The following IPP variants were observed in gnomAD, a reference collection of about 807,000 sequenced individuals.
IPP encodes the protein intracisternal A particle-promoted polypeptide, also known as actin-binding protein IPP.
Under a neutral mutation model 64.1 loss-of-function variants are expected in IPP, and 41 were observed. The observed-to-expected ratio is 0.64, with a 90% CI of 0.50 to 0.83. The LOEUF (loss-of-function observed/expected upper bound fraction) is 0.83. Among genes scored for constraint, IPP ranks in the 40% least tolerant of loss-of-function variants. The probability of loss-of-function intolerance (pLI) is 0.00; values close to 1 mark genes in which losing one functional copy is unlikely to be tolerated. For synonymous variants in IPP, 214 were observed against 235.2 expected (o/e 0.91, Z 0.83); for missense variants, 649 against 703.0 (o/e 0.92, Z 0.87).
chr1:45,727,971 A>G (rs1645854371), intron 4 of IPP, among the ~76,000 whole-genome samples, 173 bp from the exon 5 acceptor site: 1 of 152,196 alleles, frequency 6.6e-6, no homozygotes, highest in Admixed American at 6.6e-5. Context: ...TAAATACAGT[A>G]AGAAGGTTAG....
chr1:45,739,434 T>C (rs1192738453), intron 3 of IPP, among the ~76,000 whole-genome samples: 3 of 126,306 alleles, frequency 2.4e-5, no homozygotes, highest in South Asian at 2.8e-4. Flanking sequence ...TTTTTTTTTT[T>C]TGTAGAGACA....
At chr1:45,713,057 A>G (rs989469956) in intron 8 of IPP, among the ~76,000 whole-genome samples, 3 of 152,020 alleles carry the variant, frequency 2.0e-5, no homozygotes, top group Admixed American at 6.6e-5. Context: ...TACAGTTTCT[A>G]TTATAGAAAA....
At chr1:45,726,056 C>G (rs1002323132) in intron 5 of IPP, among the ~76,000 whole-genome samples, 2 of 146,382 alleles carry the variant, frequency 1.4e-5, no homozygotes, top group African/African-American at 5.1e-5. Context: ...CCAAATCCCC[C>G]TCTGCGAGAA....
At chr1:45,719,718 CAG>C (rs1645706215) in intron 5 of IPP, among the ~76,000 whole-genome samples, 1 of 152,120 alleles carries the variant, frequency 6.6e-6, no homozygotes, top group Admixed American at 6.6e-5. Context: ...TAACAACAAA[CAG>C]AAAATGAAAT....
At chr1:45,750,537 G>C (rs1308537127) in intron 1 of IPP, 60 bp downstream of exon 1, 1 of 152,390 alleles carries the variant, frequency 6.6e-6, no homozygotes, top group Non-Finnish European at 1.5e-5. Context: ...AAGCCGGAGG[G>C]AGTAGAAGAG....
chr1:45,740,912 T>G lies in IPP; in HGVS notation c.713A>C (p.Lys238Thr), dbSNP rs763497240. 2.5e-6 allele frequency: 4 copies of G among 1,589,016 alleles called. No individual in the cohort carries two copies. In the South Asian group the frequency reaches 4.6e-5, roughly 18 times the overall value. ...AGCAAAAAAGTTACCTTCTATATACTTTAAAAGTCTCTGAGGAGGTAATAA... is the reference window on the plus strand; with the variant it reads ...AGCAAAAAAGTTACCTTCTATATACGTTAAAAGTCTCTGAGGAGGTAATAA... ...FPLLPPQRLL[K>T]YIEGVSDFNL... is the part of the protein sequence containing the mutation. Residue 238 changes from lysine (K) to threonine (T), a missense_variant, in exon 3 of 9, where the codon AAG (lysine) becomes ACG (threonine). Coordinates refer to ENST00000396478, the MANE Select transcript of IPP (RefSeq NM_005897.3).
intron 6 of IPP, among the ~76,000 whole-genome samples, chr1:45,717,364 T>C (rs1025377901): frequency 6.6e-6 from 1 of 152,208 alleles, no homozygotes; most frequent in African/African-American, 2.4e-5. Context: ...AACTACCTTT[T>C]GAAATTACTT....
chr1:45,738,307 T>C (rs1040489347), intron 3 of IPP, among the ~76,000 whole-genome samples: 1 of 140,368 alleles, frequency 7.1e-6, no homozygotes, highest in African/African-American at 2.5e-5. Flanking sequence ...GTCTATTTAG[T>C]GTCATTTTTT....
chr1:45,750,034 AG>A (rs1305831199), intron 1 of IPP, among the ~76,000 whole-genome samples: 1 of 152,114 alleles, frequency 6.6e-6, no homozygotes, highest in Non-Finnish European at 1.5e-5. Flanking sequence ...GCCTAGGAGA[AG>A]GGGCGAGACT....
downstream of IPP, chr1:45,694,581 C>G (rs60952228): frequency 1.8e-3 from 1,582 of 863,410 alleles, 18 homozygotes; most frequent in African/African-American, 0.024. Flanking sequence ...CATGTCCAAA[C>G]TTATTTCACA....
Position 45,741,084 on chromosome 1 carries a change from CT to C in IPP, c.540del (p.Asp181IlefsTer3), listed in dbSNP as rs1231593324. 4.3e-6 allele frequency: 7 copies of C among 1,613,976 alleles called. No individual in the cohort carries two copies. Among genetic ancestry groups the C allele is most frequent in the Non-Finnish European group, 5.9e-6 (7 of 1,180,008 alleles). On this transcript the variant is annotated frameshift_variant, in exon 3 of 9. Coordinates refer to ENST00000396478, the MANE Select transcript of IPP (RefSeq NM_005897.3). LOFTEE classifies it high-confidence loss of function. ...HSGEEFLALT[K>X]DQLIKILRSE... ...CTTCGCAAAATTTTGATCAGCTGATCTTTCGTAAGTGCCAGGAACTCTTCTC... is the reference window on the plus strand; with the variant it reads ...CTTCGCAAAATTTTGATCAGCTGATCTTCGTAAGTGCCAGGAACTCTTCTC...
chr1:45,715,613 C>T (rs934728603), intron 7 of IPP, among the ~76,000 whole-genome samples: 1 of 151,402 alleles, frequency 6.6e-6, no homozygotes, highest in Admixed American at 6.6e-5. Context: ...TGCACTCCAG[C>T]CTGGGCGACA....
chr1:45,702,945 TC>T lies in IPP; in HGVS notation c.1531-2756del, dbSNP rs575982420. 2.8e-3 allele frequency among the ~76,000 whole-genome samples: 419 copies of T among 152,166 alleles called. 1 individual carries two copies. Among genetic ancestry groups the T allele is most frequent in the African/African-American group, 9.1e-3 (379 of 41,530 alleles). The stretch of plus-strand genomic sequence containing the variant: ...AACTTGTCAGAAATGAGAATCAAAA[TC>T]CTTATGCTTTACAACAAGACATGAA... On this transcript the variant is annotated intron_variant, in intron 8 of 8. Coordinates refer to ENST00000396478, the MANE Select transcript of IPP (RefSeq NM_005897.3).
chr1:45,744,985 C>T (rs952016125), intron 2 of IPP, among the ~76,000 whole-genome samples: 1 of 152,076 alleles, frequency 6.6e-6, no homozygotes, highest in African/African-American at 2.4e-5. Flanking sequence ...TACTTGAGCC[C>T]AGGAGATTAA....
intron 5 of IPP, among the ~76,000 whole-genome samples, chr1:45,722,479 A>G (rs529680644): frequency 7.4e-4 from 113 of 152,300 alleles, no homozygotes; most frequent in African/African-American, 2.6e-3. Flanking sequence ...CAGGAGGCAG[A>G]GGTTGCAGTG....
At chr1:45,701,637 AGCT>A in intron 8 of IPP, among the ~76,000 whole-genome samples, 1 of 152,238 alleles carries the variant, frequency 6.6e-6, no homozygotes, top group East Asian at 1.9e-4. Context: ...AAAACAAGAA[AGCT>A]ACTAAAGGTC....
intron 5 of IPP, 96 bp downstream of exon 5, chr1:45,727,535 G>T: frequency 3.2e-6 from 1 of 316,100 alleles, no homozygotes; most frequent in African/African-American, 2.6e-5. Flanking sequence ...AGGACAATTA[G>T]ATATATGTAT....
At chr1:45,717,115 G>T in intron 6 of IPP, 98 bp from the exon 7 acceptor site, 1 of 1,024,054 alleles carries the variant, frequency 9.8e-7, no homozygotes. Flanking sequence ...TCATATTATA[G>T]ATATCACATG....
chr1:45,700,043 T>G lies in IPP; in HGVS notation c.1678A>C (p.Asn560His), dbSNP rs1187416086. 1 of 1,614,176 alleles carries G rather than the reference T, an allele frequency of 6.2e-7. No individual in the cohort carries two copies. The highest frequency in any genetic ancestry group is 1.7e-5 in the Admixed American group (1 of 60,026). ...TCTGTCCATGTATCTGAATGAGGGT[T>G]ATAAACTTCAACTGAGTCCAAGGTA... Reference protein sequence around the residue: ...PGTLDSVEVYNPHSDTWTEIG... With the variant: ...PGTLDSVEVYHPHSDTWTEIG... The change falls in exon 9 of 9, where the codon AAC becomes CAC. Residue 560 changes from asparagine to histidine, a missense_variant. By Grantham distance (68) the Asn-to-His change is moderately conservative. Transcript: ENST00000396478.
Sources: allele counts gnomAD v4.1 joint callset (sites outside exome capture counted in the v4.1 genomes callset), GRCh38; gene constraint gnomAD v4.1.1; transcripts MANE v1.5; gene names NCBI Gene and HGNC (gene_info 2026-07-23, HGNC 2026-07-21).